The following TRPM3 variants were observed in gnomAD, a reference collection of about 807,000 sequenced individuals.
The protein encoded by TRPM3 is transient receptor potential cation channel subfamily M member 3.
Under a neutral mutation model 181.2 loss-of-function variants are expected in TRPM3, and 77 were observed. The observed-to-expected ratio is 0.42, with a 90% confidence interval of 0.35 to 0.51. The LOEUF (loss-of-function observed/expected upper bound fraction) is 0.51. Ranked by LOEUF, TRPM3 falls within the 20% of genes least tolerant of loss-of-function variation. TRPM3 has a pLI of 0.01. For missense variants in TRPM3, 1,759 were observed against 2,196.7 expected (o/e 0.80, Z 3.98); for synonymous variants, 745 against 796.4 (o/e 0.94, Z 1.09).
At chr9:70,696,491 G>A (rs1316928262) in intron 8 of TRPM3, among the ~76,000 whole-genome samples, 2 of 152,112 alleles carry the variant, frequency 1.3e-5, no homozygotes, top group African/African-American at 4.8e-5. Context: ...GATAATCATA[G>A]GCAAAAGAGA....
At position 71,114,587 on chromosome 9, in the gene TRPM3, G is replaced by C. The variant is rs1245146633; in HGVS notation, c.177+6591C>G. Among the ~76,000 whole-genome samples the C allele has an allele frequency of 3.3e-5, 5 of 152,122 alleles. No homozygotes were observed. In the East Asian group the frequency reaches 9.6e-4, roughly 29 times the overall value. On this transcript the variant is annotated intron_variant, in intron 1 of 25. Transcript: ENST00000677713. ...CTCCTCCTTTCTGTCCAGAATCGTT[G>C]GTTAGTTTTTGAAGGTTGTGCGGTG...
intron 1 of TRPM3, among the ~76,000 whole-genome samples, chr9:70,888,361 G>GT (rs1200543661): frequency 1.6e-4 from 18 of 112,252 alleles, no homozygotes; most frequent in Non-Finnish European, 2.5e-4. Flanking sequence ...TTTTATTTTG[G>GT]GGTGTGTGTG....
Position 70,616,565 on chromosome 9 carries a change from T to G in TRPM3, c.2359-490A>C, listed in dbSNP as rs551409870. The stretch of plus-strand genomic sequence containing the variant: ...TGGAGTGGATTATGTGTTATCTGAT[T>G]ATCTCTGCAAAAAAAAAAAAAAATG... On this transcript the variant is annotated intron_variant, in intron 17 of 25. Transcript: ENST00000677713. Among the ~76,000 whole-genome samples, 31 of 115,272 alleles carry G rather than the reference T, an allele frequency of 2.7e-4. No homozygotes were observed. The South Asian group carries it at 8.1e-3, about 30-fold the overall frequency. 75.6% of individuals were successfully genotyped at this position (115,272 alleles called of 152,430 possible). A position where few individuals can be genotyped will look rare whatever the true frequency, so the allele number is the denominator to read the frequency against.
chr9:71,315,404 A>T (rs1565454097), intron 1 of TRPM3, among the ~76,000 whole-genome samples: 1 of 152,180 alleles, frequency 6.6e-6, no homozygotes, highest in Non-Finnish European at 1.5e-5. Flanking sequence ...GGGGAGGAAG[A>T]GGCATTTTTC....
intron 6 of TRPM3, among the ~76,000 whole-genome samples, chr9:70,816,176 A>G (rs2092673107): frequency 6.6e-6 from 1 of 152,256 alleles, no homozygotes; most frequent in African/African-American, 2.4e-5. Context: ...GACCCAGTTC[A>G]CTATTTATTG....
intron 9 of TRPM3, among the ~76,000 whole-genome samples, chr9:70,644,455 A>T (rs2058510541): frequency 6.6e-6 from 1 of 152,140 alleles, no homozygotes; most frequent in African/African-American, 2.4e-5. Context: ...AACGACAAAA[A>T]CCACATGATT....
chr9:71,335,687 G>A (rs1372068271), intron 1 of TRPM3, among the ~76,000 whole-genome samples: 1 of 151,984 alleles, frequency 6.6e-6, no homozygotes, highest in Admixed American at 6.6e-5. Context: ...TTTTTAAAAG[G>A]AGTTATTTCC....
At chr9:70,818,128 T>C (rs941915680) in intron 6 of TRPM3, among the ~76,000 whole-genome samples, 1 of 152,316 alleles carries the variant, frequency 6.6e-6, no homozygotes, top group Admixed American at 6.5e-5. Flanking sequence ...CCATGACAAA[T>C]TGTCTTCATC....
chr9:70,677,716 G>T (rs1165660351), intron 9 of TRPM3, among the ~76,000 whole-genome samples: 1 of 152,160 alleles, frequency 6.6e-6, no homozygotes, highest in African/African-American at 2.4e-5. Context: ...CATTCTGAAG[G>T]CTGGAATGTC....
chr9:71,203,702 T>G (rs1173352132), intron 1 of TRPM3, among the ~76,000 whole-genome samples: 1 of 152,154 alleles, frequency 6.6e-6, no homozygotes, highest in Non-Finnish European at 1.5e-5. Flanking sequence ...GTTGTGAGGA[T>G]TAAATGATTT....
chr9:71,140,642 C>T (rs1182997888), intron 1 of TRPM3, among the ~76,000 whole-genome samples: 2 of 152,150 alleles, frequency 1.3e-5, no homozygotes, highest in Non-Finnish European at 2.9e-5. Flanking sequence ...CATGTTTCTT[C>T]ATTTATTCAT....
chr9:71,384,566 C>T (rs533157126), intron 1 of TRPM3, among the ~76,000 whole-genome samples: 28 of 152,174 alleles, frequency 1.8e-4, no homozygotes, highest in East Asian at 3.8e-4. Context: ...CCGAAAATTC[C>T]GTTGTTGCCA....
intron 1 of TRPM3, among the ~76,000 whole-genome samples, chr9:71,132,990 T>A (rs1322197958): frequency 1.3e-5 from 2 of 152,158 alleles, no homozygotes; most frequent in Non-Finnish European, 2.9e-5. Context: ...ACATCTCTGA[T>A]TATTTCCTTA....
At chr9:71,226,578 C>A (rs1394870055) in intron 1 of TRPM3, among the ~76,000 whole-genome samples, 1 of 151,558 alleles carries the variant, frequency 6.6e-6, no homozygotes, top group Non-Finnish European at 1.5e-5. Flanking sequence ...TAAAAAGAGA[C>A]AAAGAAGGTT....
intron 1 of TRPM3, among the ~76,000 whole-genome samples, chr9:71,000,446 C>T (rs1441558193): frequency 1.3e-5 from 2 of 152,124 alleles, no homozygotes; most frequent in African/African-American, 4.8e-5. Flanking sequence ...AAAATAATTC[C>T]CCAAGGTATG....
At chr9:71,346,948 A>G (rs1414271710) in intron 1 of TRPM3, among the ~76,000 whole-genome samples, 1 of 152,230 alleles carries the variant, frequency 6.6e-6, no homozygotes, top group Non-Finnish European at 1.5e-5. Context: ...AATGTGGCAC[A>G]AACTATGAGT....
intron 1 of TRPM3, among the ~76,000 whole-genome samples, chr9:71,368,352 G>T (rs1389860709): frequency 6.6e-6 from 1 of 152,172 alleles, no homozygotes; most frequent in East Asian, 1.9e-4. Flanking sequence ...TTCTCAGGCA[G>T]CTGGCTAAAC....
At chr9:71,163,048 C>A (rs1396442481) in intron 1 of TRPM3, among the ~76,000 whole-genome samples, 3 of 152,098 alleles carry the variant, frequency 2.0e-5, no homozygotes, top group Non-Finnish European at 4.4e-5. Context: ...TGTTAGGGAG[C>A]TAAGCCAAGG....
At chr9:70,943,155 T>C (rs1439064880) in intron 1 of TRPM3, among the ~76,000 whole-genome samples, 1 of 152,184 alleles carries the variant, frequency 6.6e-6, no homozygotes, top group Non-Finnish European at 1.5e-5. Flanking sequence ...CTAGGGGTTA[T>C]GGGCTTAATG....
Sources: allele counts gnomAD v4.1 joint callset (sites outside exome capture counted in the v4.1 genomes callset), GRCh38; gene constraint gnomAD v4.1.1; transcripts MANE v1.5; gene names NCBI Gene and HGNC (gene_info 2026-07-23, HGNC 2026-07-21).